Variants in CDK12 observed in about 807,000 individuals in gnomAD.
CDK12 encodes cyclin dependent kinase 12.
CDK12 carries 17 observed loss-of-function variants against 133.8 expected under a neutral mutation model. That is an observed-to-expected ratio of 0.13 (90% confidence interval 0.09 to 0.19). CDK12 has a LOEUF of 0.19. Ranked by LOEUF, CDK12 falls within the 10% of genes least tolerant of loss-of-function variation. The pLI is 1.00. For missense variants in CDK12, 1,508 were observed against 1,818.7 expected (o/e 0.83, Z 3.11); for synonymous variants, 694 against 683.6 (o/e 1.02, Z -0.24).
chr17:39,522,417 C>T (rs1316918734), intron 11 of CDK12, among the ~76,000 whole-genome samples: 4 of 151,490 alleles, frequency 2.6e-5, no homozygotes, highest in Admixed American at 6.6e-5. Context: ...GTTTGCATCA[C>T]TGCCAGTTTT....
At chr17:39,520,468 C>G (rs1366638339) in intron 11 of CDK12, among the ~76,000 whole-genome samples, 1 of 152,070 alleles carries the variant, frequency 6.6e-6, no homozygotes, top group Non-Finnish European at 1.5e-5. Context: ...CAACTCAGCT[C>G]ACTGCAACCT....
upstream of CDK12, among the ~76,000 whole-genome samples, chr17:39,548,523 T>C (rs887363250): frequency 2.0e-5 from 3 of 152,246 alleles, no homozygotes; most frequent in African/African-American, 7.2e-5. Context: ...GAAAAGTGTT[T>C]TGTTAGTGAG....
chr17:39,548,524 T>C (rs2055820925), upstream of CDK12, among the ~76,000 whole-genome samples: 1 of 152,234 alleles, frequency 6.6e-6, no homozygotes, highest in South Asian at 2.1e-4. Context: ...AAAAGTGTTT[T>C]GTTAGTGAGA....
chr17:39,469,172 G>C (rs1019495165), intron 1 of CDK12, among the ~76,000 whole-genome samples: 3 of 152,064 alleles, frequency 2.0e-5, no homozygotes, highest in African/African-American at 7.2e-5. Context: ...TAGCAGGTTA[G>C]GCTTTAGTAA....
In CDK12 at chr17:39,531,474, G is replaced by A. The variant is rs2143071944; in HGVS notation, c.*158G>A. 1 of 615,004 alleles carries A rather than the reference G, an allele frequency of 1.6e-6. No individual in the cohort carries two copies. Among genetic ancestry groups the A allele is most frequent in the East Asian group, 3.3e-5 (1 of 30,096 alleles). 38.1% of individuals were successfully genotyped at this position (615,004 alleles called of 1,614,324 possible). Reference sequence around the variant, plus strand: ...ATTCCTTGCTCACTTGCTACTAGCAGGCGACTTACGAAATAATGATGTTGG... The same window carrying A: ...ATTCCTTGCTCACTTGCTACTAGCAAGCGACTTACGAAATAATGATGTTGG... On this transcript the variant is annotated 3_prime_UTR_variant, in exon 14 of 14. Coordinates refer to ENST00000447079, the MANE Select transcript of CDK12 (RefSeq NM_016507.4).
At chr17:39,483,595 G>A (rs1379534249) in intron 2 of CDK12, among the ~76,000 whole-genome samples, 3 of 151,258 alleles carry the variant, frequency 2.0e-5, no homozygotes, top group Non-Finnish European at 4.4e-5. Flanking sequence ...CAACTTCAAG[G>A]GGAAGGAGAT....
At chr17:39,554,840 C>G (rs1044084765) in intron 2 of CDK12, among the ~76,000 whole-genome samples, 2 of 147,878 alleles carry the variant, frequency 1.4e-5, no homozygotes, top group East Asian at 4.0e-4. Flanking sequence ...GAGTTGAGAT[C>G]GCGCCACTGC....
intron 8 of CDK12, among the ~76,000 whole-genome samples, chr17:39,513,841 G>T (rs929431645): frequency 2.6e-5 from 4 of 152,160 alleles, no homozygotes; most frequent in African/African-American, 9.7e-5. Flanking sequence ...ATTTTTATGG[G>T]ATTTTTTATA....
chr17:39,526,277 C>T lies in CDK12; in HGVS notation c.3721C>T (p.Pro1241Ser). 1 of 1,602,876 alleles carries T rather than the reference C, an allele frequency of 6.2e-7. No individual in the cohort carries two copies. The highest frequency in any genetic ancestry group is 8.5e-7 in the Non-Finnish European group (1 of 1,175,178). Residue 1241 changes from proline (P) to serine (S), a missense_variant, in exon 13 of 14, where the codon CCC becomes TCC. By Grantham distance (74) the Pro-to-Ser change is moderately conservative. Coordinates refer to ENST00000447079, the MANE Select transcript of CDK12 (RefSeq NM_016507.4). ...TGACAAGAACAGTGGGCCACAGGGG[C>T]CCCGAAGAACTCCCACAATGCCACA... is the stretch of plus-strand genomic sequence containing the variant. Reference protein sequence around the residue: ...NSDKNSGPQGPRRTPTMPQEE... With the variant: ...NSDKNSGPQGSRRTPTMPQEE...
At chr17:39,546,776 C>G (rs570103490), upstream of CDK12, 1 of 152,298 alleles carries the variant, frequency 6.6e-6, no homozygotes, top group Non-Finnish European at 1.5e-5. Context: ...TGCTGCTCCC[C>G]CTACCCATCA....
In CDK12 at chr17:39,463,335, C is replaced by CA. The variant is rs1381233626; in HGVS notation, c.1046+219dup. Reference sequence around the variant, plus strand: ...TCAAACCGCCAAAGGTAGGTACTTCCAGTGGTGGGGTCTTCAGTTGTAAGC... The same window carrying CA: ...TCAAACCGCCAAAGGTAGGTACTTCCAAGTGGTGGGGTCTTCAGTTGTAAGC... On this transcript the variant is annotated intron_variant, in intron 1 of 13. Transcript: ENST00000447079. 4.6e-5 allele frequency among the ~76,000 whole-genome samples: 7 copies of CA among 152,100 alleles called. No individual in the cohort carries two copies. The East Asian group carries it at 1.2e-3, about 25-fold the overall frequency.
Position 39,502,367 on chromosome 17 carries a change from A to G in CDK12, c.2609+928A>G, listed in dbSNP as rs1598083740. 2.1e-5 allele frequency among the ~76,000 whole-genome samples: 3 copies of G among 143,386 alleles called. No homozygotes were observed. The South Asian group carries it at 6.7e-4, about 32-fold the overall frequency. 94.1% of individuals were successfully genotyped at this position (143,386 alleles called of 152,430 possible). A position where few individuals can be genotyped will look rare whatever the true frequency, so the allele number is the denominator to read the frequency against. ...ACGTGGTTTCACCATGTTAGCCAGGATGGTCTCTATCTCCTGACCTCGTGA... is the reference window on the plus strand; with the variant it reads ...ACGTGGTTTCACCATGTTAGCCAGGGTGGTCTCTATCTCCTGACCTCGTGA... On this transcript the variant is annotated intron_variant, in intron 6 of 13. Coordinates refer to ENST00000447079, the MANE Select transcript of CDK12 (RefSeq NM_016507.4).
intron 6 of CDK12, among the ~76,000 whole-genome samples, chr17:39,503,988 C>G (rs548394862): frequency 6.6e-6 from 1 of 152,236 alleles, no homozygotes; most frequent in East Asian, 1.9e-4. Context: ...CTAAGAACTT[C>G]GTAATAAATG....
chr17:39,552,879 C>G (rs1031967257), intron 2 of CDK12, among the ~76,000 whole-genome samples: 6 of 152,260 alleles, frequency 3.9e-5, no homozygotes, highest in African/African-American at 1.4e-4. Context: ...TAGGTGCGCA[C>G]CACCATGCCT....
chr17:39,515,780 C>A lies in CDK12; in HGVS notation c.2818C>A (p.Leu940Met). The A allele has an allele frequency of 6.2e-7, 1 of 1,613,548 alleles. No individual in the cohort carries two copies. Among genetic ancestry groups the A allele is most frequent in the Non-Finnish European group, 8.5e-7 (1 of 1,179,608 alleles). Reference protein sequence around the residue: ...FTKKPIFQANLELAQLELISR... With the variant: ...FTKKPIFQANMELAQLELISR... ...AAAGAAGCCTATTTTTCAAGCCAATCTGGAACTGGCTCAGCTAGAACTGAT... is the reference window on the plus strand; with the variant it reads ...AAAGAAGCCTATTTTTCAAGCCAATATGGAACTGGCTCAGCTAGAACTGAT... The change falls in exon 9 of 14, where the codon CTG (leucine) becomes ATG (methionine). Residue 940 changes from leucine to methionine, a missense_variant. Leu to Met is a conservative substitution (Grantham distance 15). Transcript: ENST00000447079.
chr17:39,556,465 G>C (rs912714025), intron 3 of CDK12: 1 of 152,356 alleles, frequency 6.6e-6, no homozygotes, highest in African/African-American at 2.4e-5. Context: ...GCAGCCATAG[G>C]GGTACAGTGG....
downstream of CDK12, among the ~76,000 whole-genome samples, chr17:39,535,424 T>C (rs1414083815): frequency 6.6e-6 from 1 of 152,172 alleles, no homozygotes; most frequent in African/African-American, 2.4e-5. Context: ...GTGTTCCCTT[T>C]CCTGTGGGCT....
chr17:39,504,894 A>T (rs1339751336), intron 6 of CDK12, among the ~76,000 whole-genome samples: 1 of 150,392 alleles, frequency 6.6e-6, no homozygotes, highest in Non-Finnish European at 1.5e-5. Flanking sequence ...AAAAAAAAAA[A>T]AAAAACGCTA....
chr17:39,547,355 C>T (rs759957483), upstream of CDK12, among the ~76,000 whole-genome samples: 2 of 152,046 alleles, frequency 1.3e-5, no homozygotes, highest in African/African-American at 4.8e-5. Flanking sequence ...AGGCTGGTCT[C>T]GAACTCCCGA....
Sources: allele counts gnomAD v4.1 joint callset (sites outside exome capture counted in the v4.1 genomes callset), GRCh38; gene constraint gnomAD v4.1.1; transcripts MANE v1.5; gene names NCBI Gene and HGNC (gene_info 2026-07-23, HGNC 2026-07-21).